The following DGLUCY variants were observed in gnomAD, a reference collection of about 807,000 sequenced individuals.
DGLUCY encodes the protein D-glutamate cyclase, also known as D-glutamate cyclase, mitochondrial.
DGLUCY carries 58 observed loss-of-function variants against 58.5 expected under a neutral mutation model. The ratio of observed to expected loss-of-function variants is 0.99; its 90% CI spans 0.80 to 1.23. DGLUCY has a LOEUF of 1.23. Among genes scored for constraint, DGLUCY ranks in the 50% most tolerant of loss-of-function variants. DGLUCY has a pLI of 0.00. For synonymous variants in DGLUCY, 325 were observed against 314.1 expected (o/e 1.03, Z -0.37); for missense variants, 779 against 784.7 (o/e 0.99, Z 0.09).
intron 1 of DGLUCY, among the ~76,000 whole-genome samples, chr14:91,143,415 G>T (rs886554793): frequency 1.3e-5 from 2 of 152,132 alleles, no homozygotes; most frequent in African/African-American, 4.8e-5. Flanking sequence ...GGAACAGTTT[G>T]CTCAGGCTGT....
intron 10 of DGLUCY, 28 bp from the exon 11 acceptor site, chr14:91,199,729 C>G: frequency 6.2e-7 from 1 of 1,612,928 alleles, no homozygotes; most frequent in Non-Finnish European, 8.5e-7. Context: ...ATAGGACCCT[C>G]TGACCTCTGA....
At chr14:91,083,228 A>T (rs1027733450) in intron 1 of DGLUCY, among the ~76,000 whole-genome samples, 6 of 152,290 alleles carry the variant, frequency 3.9e-5, no homozygotes, top group African/African-American at 1.4e-4. Flanking sequence ...CACTTAAAGA[A>T]CAAAGAGAGA....
At chr14:91,162,859 T>C (rs1405570544) in intron 3 of DGLUCY, among the ~76,000 whole-genome samples, 1 of 149,200 alleles carries the variant, frequency 6.7e-6, no homozygotes, top group Non-Finnish European at 1.5e-5. Context: ...ATCGCACCAT[T>C]GCACTCCAGC....
intron 3 of DGLUCY, among the ~76,000 whole-genome samples, chr14:91,163,266 AAG>A (rs1455751129): frequency 2.7e-5 from 4 of 150,648 alleles, no homozygotes; most frequent in Non-Finnish European, 4.4e-5. Flanking sequence ...TCTCAAAAAA[AAG>A]AAAAAAAAAA....
chr14:91,224,886 G>A lies in DGLUCY; in HGVS notation c.*53G>A, dbSNP rs1337902317. The A allele has an allele frequency of 9.9e-6, 15 of 1,514,034 alleles. No individual in the cohort carries two copies. Among genetic ancestry groups the A allele is most frequent in the East Asian group, 2.4e-5 (1 of 41,094 alleles). 93.8% of individuals were successfully genotyped at this position (1,514,034 alleles called of 1,614,324 possible). A position where few individuals can be genotyped will look rare whatever the true frequency, so the allele number is the denominator to read the frequency against. ...CCTACCAACGGGCAGGTCTGCATCC[G>A]GGGAGAATGCAGCTGCTTCTGGCGA... On this transcript the variant is annotated 3_prime_UTR_variant, in exon 14 of 14. Coordinates refer to ENST00000256324, the MANE Select transcript of DGLUCY (RefSeq NM_001102368.3).
chr14:91,111,565 G>A (rs1009952976), upstream of DGLUCY, among the ~76,000 whole-genome samples: 1 of 152,148 alleles, frequency 6.6e-6, no homozygotes, highest in Non-Finnish European at 1.5e-5. Flanking sequence ...ACAGGCATGA[G>A]TCACTGTGCC....
intron 1 of DGLUCY, among the ~76,000 whole-genome samples, chr14:91,068,945 CATT>C (rs2043871706): frequency 6.6e-6 from 1 of 152,174 alleles, no homozygotes; most frequent in Non-Finnish European, 1.5e-5. Flanking sequence ...GGCACCAAAT[CATT>C]GATCCTTGGA....
At chr14:91,188,584 G>A (rs2049669280) in intron 8 of DGLUCY, among the ~76,000 whole-genome samples, 1 of 152,182 alleles carries the variant, frequency 6.6e-6, no homozygotes, top group Non-Finnish European at 1.5e-5. Context: ...CCAGCACTTT[G>A]GGAGGCCAAG....
intron 1 of DGLUCY, among the ~76,000 whole-genome samples, chr14:91,154,876 C>G (rs779005682): frequency 6.6e-6 from 1 of 152,202 alleles, no homozygotes; most frequent in Non-Finnish European, 1.5e-5. Flanking sequence ...AGGTGGGTCC[C>G]CATGAGCCAG....
In DGLUCY at chr14:91,091,739, C is replaced by CT. The variant is rs749562420; in HGVS notation, c.-82+31036dup. ...CCAGGTGCTGTCGTAAGAGATCAGTCTAAGTACAGAGACCCCTGTTCCATC... is the reference window on the plus strand; with the variant it reads ...CCAGGTGCTGTCGTAAGAGATCAGTCTTAAGTACAGAGACCCCTGTTCCATC... On this transcript the variant is annotated intron_variant, in intron 1 of 4. Transcript: ENST00000521334. 2.0e-4 allele frequency among the ~76,000 whole-genome samples: 31 copies of CT among 152,264 alleles called. 1 individual carries two copies. The Middle Eastern group carries it at 0.014, about 67-fold the overall frequency.
chr14:91,139,389 C>T (rs2046524537), intron 1 of DGLUCY, among the ~76,000 whole-genome samples: 1 of 152,118 alleles, frequency 6.6e-6, no homozygotes, highest in African/African-American at 2.4e-5. Context: ...CACAGATGTA[C>T]CCAGAAATAA....
chr14:91,111,202 ATGTGTGTGTGTG>A (rs71120113), upstream of DGLUCY, among the ~76,000 whole-genome samples: 2 of 46,344 alleles, frequency 4.3e-5, no homozygotes, highest in African/African-American at 9.9e-5. Flanking sequence ...ATTTATATAT[ATGTGTGTGTGTG>A]TGTGTGTGTG....
chr14:91,101,078 A>G (rs10138590), intron 1 of DGLUCY, among the ~76,000 whole-genome samples: 20,513 of 152,166 alleles, frequency 0.13, 1,486 homozygotes, highest in African/African-American at 0.16. Context: ...CTCCAAAAAA[A>G]AAAAAATTAT....
At chr14:91,174,794 G>A (rs896859376) in intron 6 of DGLUCY, among the ~76,000 whole-genome samples, 2 of 152,168 alleles carry the variant, frequency 1.3e-5, no homozygotes, top group African/African-American at 4.8e-5. Context: ...CTGTAGGGGG[G>A]TGGCCTTGGG....
At chr14:91,184,587 G>A (rs1171755582) in intron 8 of DGLUCY, among the ~76,000 whole-genome samples, 1 of 113,554 alleles carries the variant, frequency 8.8e-6, no homozygotes, top group South Asian at 3.4e-4. Context: ...TGGGGGGGGG[G>A]AGGGAGGGAG....
chr14:91,120,396 GATA>G (rs2045276524), intron 1 of DGLUCY, among the ~76,000 whole-genome samples: 2 of 152,054 alleles, frequency 1.3e-5, no homozygotes, highest in Admixed American at 6.6e-5. Context: ...AAAGAAATCT[GATA>G]ATTATTATTA....
intron 1 of DGLUCY, among the ~76,000 whole-genome samples, chr14:91,061,716 A>G (rs2043690903): frequency 2.0e-5 from 3 of 152,234 alleles, no homozygotes; most frequent in Admixed American, 2.0e-4. Context: ...TAAGTGATTG[A>G]TAAGGTTAGA....
chr14:91,155,042 G>A, intron 1 of DGLUCY, among the ~76,000 whole-genome samples: 1 of 152,170 alleles, frequency 6.6e-6, no homozygotes, highest in East Asian at 1.9e-4. Context: ...CTTCTAGTCT[G>A]ACCCCTACTC....
rs578152329 is a variant in DGLUCY at position 91,215,000 on chromosome 14, T to C, written c.1565-405T>C. Among the ~76,000 whole-genome samples the C allele has an allele frequency of 1.3e-3, 201 of 152,164 alleles. 1 individual carries two copies. Among genetic ancestry groups the C allele is most frequent in the African/African-American group, 4.6e-3 (189 of 41,518 alleles). On this transcript the variant is annotated intron_variant, in intron 12 of 13. Transcript: ENST00000256324. The stretch of plus-strand genomic sequence containing the variant: ...CCCGTCCCTTCTAAAAATATAAAAA[T>C]TAGCTGGGCATGGTGGCACACACCT...
Sources: allele counts gnomAD v4.1 joint callset (sites outside exome capture counted in the v4.1 genomes callset), GRCh38; gene constraint gnomAD v4.1.1; transcripts MANE v1.5; gene names NCBI Gene and HGNC (gene_info 2026-07-23, HGNC 2026-07-21).